Variants in DIAPH2 observed in about 807,000 individuals in gnomAD.
DIAPH2 encodes protein diaphanous homolog 2.
DIAPH2 carries 35 observed loss-of-function variants against 92.7 expected under a neutral mutation model. The ratio of observed to expected loss-of-function variants is 0.38; its 90% confidence interval spans 0.29 to 0.50. The LOEUF is 0.50. Among genes scored for constraint, DIAPH2 ranks in the 20% least tolerant of loss-of-function variants. The pLI is 0.94. For missense variants in DIAPH2, 701 were observed against 819.5 expected, an observed-to-expected ratio of 0.86 and a Z score of 1.77; for synonymous variants, 301 against 280.4, an observed-to-expected ratio of 1.07 and a Z score of -0.73.
chrX:97,447,551 T>G (rs2147791272), intron 26 of DIAPH2, among the ~76,000 whole-genome samples: 1 of 111,511 alleles, frequency 9.0e-6, no homozygotes, highest in South Asian at 3.8e-4. Flanking sequence ...AATGAATAAT[T>G]ATAAATCAAA....
intron 22 of DIAPH2, among the ~76,000 whole-genome samples, chrX:97,234,686 A>G (rs1206735191): frequency 8.9e-6 from 1 of 112,018 alleles, no homozygotes; most frequent in Non-Finnish European, 1.9e-5. Context: ...TAAATTTCAT[A>G]TACTTTTCAT....
In DIAPH2 at chrX:96,879,106, G is replaced by C. The variant is rs748548019; in HGVS notation, c.448-2473G>C. ...GGTGAACAAGGCAGGCAAGAATCCT[G>C]TCATAAGAGCTTATGTTTTAGCGCA... On this transcript the variant is annotated intron_variant, in intron 4 of 26. Transcript: ENST00000324765. Among the ~76,000 whole-genome samples the C allele has an allele frequency of 2.7e-5, 3 of 112,135 alleles. No individual in the cohort carries two copies. The South Asian group carries it at 1.1e-3, about 42-fold the overall frequency.
intron 1 of DIAPH2, among the ~76,000 whole-genome samples, chrX:96,724,348 G>A (rs2064008546): frequency 8.9e-6 from 1 of 111,871 alleles, no homozygotes; most frequent in Non-Finnish European, 1.9e-5. Context: ...TGGCCAAACT[G>A]TTATAAAACC....
At chrX:97,593,602 A>G (rs2071531368) in intron 26 of DIAPH2, among the ~76,000 whole-genome samples, 1 of 111,930 alleles carries the variant, frequency 8.9e-6, no homozygotes, top group Non-Finnish European at 1.9e-5. Flanking sequence ...ACAGTGTAAA[A>G]GATTGATAGA....
intron 17 of DIAPH2, among the ~76,000 whole-genome samples, chrX:96,968,812 C>T (rs184708492): frequency 8.9e-6 from 1 of 112,012 alleles, no homozygotes; most frequent in African/African-American, 3.2e-5. Flanking sequence ...AGGCAGATGT[C>T]CAGAATGGTG....
intron 4 of DIAPH2, among the ~76,000 whole-genome samples, chrX:96,826,024 T>A (rs1326881592): frequency 8.9e-6 from 1 of 111,782 alleles, no homozygotes; most frequent in Non-Finnish European, 1.9e-5. Flanking sequence ...CTAGAAAGAG[T>A]ATTTCTTCAT....
chrX:97,411,239 G>A (rs769251520), intron 25 of DIAPH2, among the ~76,000 whole-genome samples: 1 of 111,759 alleles, frequency 8.9e-6, no homozygotes, highest in South Asian at 3.7e-4. Context: ...AGAGAGTGGG[G>A]GCCAATATTC....
chrX:97,105,003 G>A lies in DIAPH2; in HGVS notation c.2349+5208G>A, dbSNP rs1399517717. On this transcript the variant is annotated intron_variant, in intron 20 of 26. Coordinates refer to ENST00000324765, the MANE Select transcript of DIAPH2 (RefSeq NM_006729.5). Reference sequence around the variant, plus strand: ...AATACAAAAATTAGCCAAGCATGGTGCTGTGCTTGTCCAGCTACTTGGGAG... The same window carrying A: ...AATACAAAAATTAGCCAAGCATGGTACTGTGCTTGTCCAGCTACTTGGGAG... Among the ~76,000 whole-genome samples the A allele has an allele frequency of 2.7e-5, 3 of 111,514 alleles. No individual in the cohort carries two copies. In the East Asian group the frequency reaches 8.5e-4, roughly 32 times the overall value.
chrX:97,010,462 G>T (rs2066217105), intron 17 of DIAPH2, among the ~76,000 whole-genome samples: 1 of 111,402 alleles, frequency 9.0e-6, no homozygotes, highest in Admixed American at 9.5e-5. Flanking sequence ...CTGATTTTTG[G>T]TTCTCATGAA....
chrX:97,421,579 T>C (rs1054949307), intron 25 of DIAPH2, among the ~76,000 whole-genome samples: 1 of 112,169 alleles, frequency 8.9e-6, no homozygotes, highest in African/African-American at 3.2e-5. Flanking sequence ...ATTTTGCGTT[T>C]CTATTTATTC....
At chrX:96,901,532 G>GTTTTTTTT in intron 5 of DIAPH2, among the ~76,000 whole-genome samples, 1 of 33,093 alleles carries the variant, frequency 3.0e-5, no homozygotes, top group Non-Finnish European at 6.1e-5. Context: ...TTTTCTTTCT[G>GTTTTTTTT]TTTTTTTTTT....
intron 3 of DIAPH2, among the ~76,000 whole-genome samples, chrX:96,752,801 G>A (rs187267580): frequency 8.9e-6 from 1 of 111,989 alleles, no homozygotes; most frequent in East Asian, 2.8e-4. Flanking sequence ...TAAGGGGTAA[G>A]ATGAAAAGCG....
intron 26 of DIAPH2, among the ~76,000 whole-genome samples, chrX:97,457,628 T>TAC (rs1395052259): frequency 8.9e-6 from 1 of 111,818 alleles, no homozygotes; most frequent in Non-Finnish European, 1.9e-5. Flanking sequence ...CTAGAGGATC[T>TAC]ACTCCAAGAT....
At chrX:97,231,153 C>T (rs924087881) in intron 22 of DIAPH2, among the ~76,000 whole-genome samples, 1 of 110,712 alleles carries the variant, frequency 9.0e-6, no homozygotes, top group East Asian at 2.8e-4. Flanking sequence ...TCTGTCTAGT[C>T]AGCAGTCCAT....
chrX:97,115,089 G>T, intron 21 of DIAPH2, 124 bp downstream of exon 21: 1 of 605,260 alleles, frequency 1.7e-6, no homozygotes, highest in South Asian at 5.9e-5. Flanking sequence ...GAATTTTCTG[G>T]GATGCGAATT....
intron 7 of DIAPH2, 91 bp from the exon 8 acceptor site, chrX:96,916,347 G>A (rs1602626540): frequency 2.4e-6 from 2 of 837,052 alleles, no homozygotes; most frequent in East Asian, 7.6e-5. Flanking sequence ...TGGGGGTATG[G>A]GTTTTTGGAA....
intron 1 of DIAPH2, among the ~76,000 whole-genome samples, chrX:96,705,473 AAG>A (rs1393200014): frequency 2.7e-5 from 3 of 112,450 alleles, no homozygotes; most frequent in African/African-American, 9.7e-5. Flanking sequence ...TTGCTTTTAC[AAG>A]AGTTAATACA....
At chrX:96,841,402 T>G (rs1483357873) in intron 4 of DIAPH2, among the ~76,000 whole-genome samples, 1 of 111,867 alleles carries the variant, frequency 8.9e-6, no homozygotes, top group South Asian at 3.8e-4. Context: ...TCTTAAGTAA[T>G]GAAATATCTT....
At chrX:96,778,021 A>C in intron 4 of DIAPH2, among the ~76,000 whole-genome samples, 1 of 86,448 alleles carries the variant, frequency 1.2e-5, no homozygotes, top group African/African-American at 4.2e-5. Context: ...TCCTAATGCT[A>C]TCCCTCCCCC....
Sources: gnomAD v4.1 joint callset for allele counts (sites outside exome capture counted in the v4.1 genomes callset) on GRCh38, gnomAD v4.1.1 for gene constraint, MANE v1.5 for transcripts, NCBI Gene and HGNC (gene_info 2026-07-23, HGNC 2026-07-21) for gene names.